EIF2S1: variants seen among roughly 807,000 people sequenced by gnomAD.
The protein encoded by EIF2S1 is eukaryotic translation initiation factor 2 subunit 1.
In EIF2S1, 5 loss-of-function variants were observed where a neutral mutation model predicts 33.5. That is an observed-to-expected ratio of 0.15 (90% confidence interval 0.08 to 0.31). The LOEUF (loss-of-function observed/expected upper bound fraction) is 0.31. Ranked by LOEUF, EIF2S1 falls within the 10% of genes least tolerant of loss-of-function variation. EIF2S1 has a pLI of 1.00. For missense variants in EIF2S1, 191 were observed against 384.6 expected (o/e 0.50, Z 4.21); for synonymous variants, 99 against 127.5 (o/e 0.78, Z 1.51).
At chr14:67,363,430 C>T (rs2085755136) in intron 1 of EIF2S1, among the ~76,000 whole-genome samples, 1 of 152,028 alleles carries the variant, frequency 6.6e-6, no homozygotes, top group Admixed American at 6.6e-5. Context: ...GTGTTATGTA[C>T]TCTGGCACTG....
At chr14:67,365,516 A>C (rs2085769976) in intron 2 of EIF2S1, among the ~76,000 whole-genome samples, 1 of 152,242 alleles carries the variant, frequency 6.6e-6, no homozygotes, top group African/African-American at 2.4e-5. Flanking sequence ...GCTGGTAATT[A>C]GAATGTTTGC....
rs940410674 is a variant in EIF2S1 at position 67,367,109 on chromosome 14, A to C, written c.241+2101A>C. On this transcript the variant is annotated intron_variant, in intron 2 of 7. Transcript: ENST00000256383. Reference sequence around the variant, plus strand: ...GTTTGTCCCTGAACTACTGAAACACAGGGTGGACTCCAGGTAGCCTAATAG... The same window carrying C: ...GTTTGTCCCTGAACTACTGAAACACCGGGTGGACTCCAGGTAGCCTAATAG... 3.3e-5 allele frequency among the ~76,000 whole-genome samples: 5 copies of C among 152,350 alleles called. No homozygotes were observed. The East Asian group carries it at 9.6e-4, about 29-fold the overall frequency.
chr14:67,364,654 T>A, intron 1 of EIF2S1, 113 bp from the exon 2 acceptor site: 1 of 1,088,756 alleles, frequency 9.2e-7, no homozygotes, highest in Non-Finnish European at 1.3e-6. Flanking sequence ...AGACTAAGAC[T>A]AATAACTATT....
chr14:67,376,119 T>C (rs879545034), intron 3 of EIF2S1, among the ~76,000 whole-genome samples: 2 of 151,820 alleles, frequency 1.3e-5, no homozygotes, highest in Non-Finnish European at 2.9e-5. Context: ...ATAGCCGTTT[T>C]CCATTTATAG....
intron 3 of EIF2S1, among the ~76,000 whole-genome samples, chr14:67,375,689 ACT>A (rs2085854127): frequency 1.3e-5 from 2 of 152,212 alleles, no homozygotes; most frequent in Non-Finnish European, 1.5e-5. Context: ...ATTTGAAAAC[ACT>A]GTCAGTAAAA....
chr14:67,374,447 T>C, intron 2 of EIF2S1, 21 bp from the exon 3 acceptor site: 2 of 1,541,200 alleles, frequency 1.3e-6, no homozygotes, highest in African/African-American at 1.4e-5. Context: ...GAGATGATTT[T>C]TTCACAATTT....
chr14:67,379,222 C>T (rs2085873201), intron 4 of EIF2S1, among the ~76,000 whole-genome samples: 3 of 152,092 alleles, frequency 2.0e-5, no homozygotes, highest in Admixed American at 1.3e-4. Flanking sequence ...ATATATATGC[C>T]TAGGAGTGGA....
At chr14:67,373,842 A>AGT (rs35163593) in intron 2 of EIF2S1, among the ~76,000 whole-genome samples, 16,955 of 145,642 alleles carry the variant, frequency 0.12, 1,003 homozygotes, top group Middle Eastern at 0.22. Context: ...TAATTTGTTC[A>AGT]GTGTGTGTGT....
At position 67,383,894 on chromosome 14, in the gene EIF2S1, A is replaced by C. The variant is rs2085903924; in HGVS notation, c.*454A>C. The C allele has an allele frequency of 9.3e-6, 2 of 213,980 alleles. No individual in the cohort carries two copies. Among genetic ancestry groups the C allele is most frequent in the African/African-American group, 2.4e-5 (1 of 42,476 alleles). The allele number at this position is 213,980 out of a possible 1,614,324, so 13.3% of individuals were successfully genotyped here. ...TTCTTCCTTCTTGTCACCAGTTAAA[A>C]GCATTTTAATACTAAGACCCTAATT... is the stretch of plus-strand genomic sequence containing the variant. On this transcript the variant is annotated 3_prime_UTR_variant, in exon 8 of 8. Transcript: ENST00000256383.
intron 2 of EIF2S1, among the ~76,000 whole-genome samples, chr14:67,369,958 G>A (rs1003494195): frequency 2.6e-5 from 4 of 152,210 alleles, no homozygotes; most frequent in African/African-American, 9.6e-5. Context: ...AGCCTTCAGA[G>A]CTGAGAGCCC....
chr14:67,379,359 T>G (rs2085873868), intron 4 of EIF2S1, among the ~76,000 whole-genome samples: 1 of 152,252 alleles, frequency 6.6e-6, no homozygotes, highest in Non-Finnish European at 1.5e-5. Context: ...AGTAGTATCT[T>G]TTGATTTGCA....
chr14:67,365,709 G>A (rs2085771660), intron 2 of EIF2S1, among the ~76,000 whole-genome samples: 2 of 152,124 alleles, frequency 1.3e-5, no homozygotes, highest in African/African-American at 2.4e-5. Flanking sequence ...TTTGTTAGGT[G>A]TTAGTTTTAG....
intron 1 of EIF2S1, 169 bp from the exon 2 acceptor site, chr14:67,364,598 C>A: frequency 3.2e-6 from 2 of 618,962 alleles, no homozygotes; most frequent in Non-Finnish European, 5.3e-6. Flanking sequence ...GGTTCCTGAA[C>A]ATTATCTGTT....
intron 4 of EIF2S1, among the ~76,000 whole-genome samples, chr14:67,378,921 GT>G (rs1352392993): frequency 1.3e-5 from 2 of 151,970 alleles, no homozygotes; most frequent in African/African-American, 4.8e-5. Context: ...TGTTTTTATT[GT>G]TTTACTACAT....
intron 1 of EIF2S1, among the ~76,000 whole-genome samples, chr14:67,362,781 T>G (rs1247318426): frequency 1.3e-5 from 2 of 152,224 alleles, no homozygotes; most frequent in Non-Finnish European, 1.5e-5. Context: ...AGCATTTCAT[T>G]AGGCAATATG....
chr14:67,381,569 A>C (rs538852568), intron 5 of EIF2S1, 24 bp from the exon 6 acceptor site: 1 of 1,593,398 alleles, frequency 6.3e-7, no homozygotes, highest in Admixed American at 1.7e-5. Flanking sequence ...TTTTTTATCA[A>C]CTTTTGAATT....
chr14:67,366,846 G>A (rs938838933), intron 2 of EIF2S1, among the ~76,000 whole-genome samples: 2 of 152,184 alleles, frequency 1.3e-5, no homozygotes, highest in Non-Finnish European at 2.9e-5. Context: ...GAAAGGGTAT[G>A]TTTTCTGTTT....
chr14:67,378,023 G>A (rs977400763), intron 4 of EIF2S1, among the ~76,000 whole-genome samples: 2 of 152,118 alleles, frequency 1.3e-5, no homozygotes, highest in Non-Finnish European at 2.9e-5. Context: ...GGCTGAGGCA[G>A]GAGGATCACT....
Position 67,385,654 on chromosome 14 carries a change from T to C in EIF2S1, c.*2214T>C, listed in dbSNP as rs1450620753. 3 of 150,070 alleles carry C rather than the reference T, an allele frequency of 2.0e-5. No homozygotes were observed. Among genetic ancestry groups the C allele is most frequent in the East Asian group, 3.9e-4 (2 of 5,162 alleles). 9.3% of individuals were successfully genotyped at this position (150,070 alleles called of 1,614,324 possible). A position where few individuals can be genotyped will look rare whatever the true frequency, so the allele number is the denominator to read the frequency against. On this transcript the variant is annotated 3_prime_UTR_variant, in exon 8 of 8. Transcript: ENST00000256383. Reference sequence around the variant, plus strand: ...AGAAATATGAATATTCAAACCACTTTTTTCTTTTTTTTTTTTTTTTTTTGG... The same window carrying C: ...AGAAATATGAATATTCAAACCACTTCTTTCTTTTTTTTTTTTTTTTTTTGG...
Sources: allele counts gnomAD v4.1 joint callset (sites outside exome capture counted in the v4.1 genomes callset), GRCh38; gene constraint gnomAD v4.1.1; transcripts MANE v1.5; gene names NCBI Gene and HGNC (gene_info 2026-07-23, HGNC 2026-07-21).